IFT80: variants seen among roughly 807,000 people sequenced by gnomAD.
IFT80 encodes intraflagellar transport 80.
In IFT80, 79 loss-of-function variants were observed where a neutral mutation model predicts 107.9. That is an observed-to-expected ratio of 0.73 (90% CI 0.61 to 0.88). The LOEUF is 0.88. Among genes scored for constraint, IFT80 ranks in the 40% least tolerant of loss-of-function variants. The probability of loss-of-function intolerance (pLI) is 0.00; values close to 1 mark genes in which losing one functional copy is unlikely to be tolerated. For missense variants in IFT80, 797 were observed against 914.2 expected (o/e 0.87, Z 1.65); for synonymous variants, 299 against 300.9 (o/e 0.99, Z 0.07).
intron 8 of IFT80, among the ~76,000 whole-genome samples, chr3:160,324,777 C>T (rs1306629664): frequency 6.6e-6 from 1 of 152,080 alleles, no homozygotes; most frequent in African/African-American, 2.4e-5. Flanking sequence ...AAGTTCTGGT[C>T]AGGGCAATTA....
chr3:160,298,681 G>A (rs531862201), intron 12 of IFT80, among the ~76,000 whole-genome samples: 7 of 152,124 alleles, frequency 4.6e-5, no homozygotes, highest in African/African-American at 1.2e-4. Context: ...GAAATGTGCC[G>A]TTAGGCAATT....
Position 160,387,870 on chromosome 3 carries a change from G to C in IFT80, c.-46-3224C>G, listed in dbSNP as rs527600975. Reference sequence around the variant, plus strand: ...TCAATGGCCTGGAAATCCTACTGAAGTCTTTAGAATTGTTGGCATTAAGAT... The same window carrying C: ...TCAATGGCCTGGAAATCCTACTGAACTCTTTAGAATTGTTGGCATTAAGAT... On this transcript the variant is annotated intron_variant, in intron 1 of 19. Transcript: ENST00000326448. 5.3e-5 allele frequency among the ~76,000 whole-genome samples: 8 copies of C among 152,326 alleles called. No individual in the cohort carries two copies. The East Asian group carries it at 1.5e-3, about 29-fold the overall frequency.
chr3:160,265,409 T>A (rs1713235114), intron 19 of IFT80, among the ~76,000 whole-genome samples: 1 of 152,220 alleles, frequency 6.6e-6, no homozygotes, highest in African/African-American at 2.4e-5. Flanking sequence ...GCTCATGAGT[T>A]TGATTTCTTT....
chr3:160,262,964 C>T lies in IFT80; in HGVS notation c.2224-4329G>A, dbSNP rs114760320. On this transcript the variant is annotated intron_variant, in intron 19 of 19. Transcript: ENST00000326448. ...AAATTTAGTTTTCTAGCCCTTATTTCTCCCTTGTCAATGTCCTTTTGTGTT... is the reference window on the plus strand; with the variant it reads ...AAATTTAGTTTTCTAGCCCTTATTTTTCCCTTGTCAATGTCCTTTTGTGTT... 4.0e-3 allele frequency among the ~76,000 whole-genome samples: 602 copies of T among 152,244 alleles called. 4 individuals are homozygous for T. The highest frequency in any genetic ancestry group is 0.013 in the African/African-American group (530 of 41,538).
Position 160,319,804 on chromosome 3 carries a change from A to C in IFT80, c.913T>G (p.Trp305Gly), listed in dbSNP as rs1171603940. The C allele has an allele frequency of 6.2e-7, 1 of 1,612,816 alleles. No homozygotes were observed. Among genetic ancestry groups the C allele is most frequent in the East Asian group, 2.2e-5 (1 of 44,856 alleles). Reference protein sequence around the residue: ...FAHVVEQHWEWKNFQVTLTKR... With the variant: ...FAHVVEQHWEGKNFQVTLTKR... ...GTTAATGTTACTTGAAAATTTTTCC[A>C]CTCCCAATGTTGTTCCACCACATGT... Residue 305 changes from tryptophan to glycine, a missense_variant, in exon 9 of 20, where the codon TGG (tryptophan) becomes GGG (glycine). Trp to Gly is a radical substitution (Grantham distance 184). Transcript: ENST00000326448.
chr3:160,375,736 G>T, intron 5 of IFT80, 76 bp downstream of exon 5: 1 of 973,252 alleles, frequency 1.0e-6, no homozygotes, highest in Non-Finnish European at 1.6e-6. Flanking sequence ...GTATTAGATT[G>T]TTTCTAAAGG....
rs766798264 is a variant in IFT80, at chr3:160,282,582, T to C, written c.1412A>G (p.Lys471Arg). The change falls in exon 14 of 20, where the codon AAA becomes AGA. Residue 471 changes from lysine to arginine, a missense_variant. Physicochemically the swap from Lys to Arg is conservative, Grantham distance 26 (BLOSUM62 2). Transcript: ENST00000326448. ...AATTTTTCTATCATTGGTAAGTCCT[T>C]TTTGATCCAGAGCAATTTCCAAGAT... ...NEILEIALDQ[K>R]GLTNDRKIAF... The C allele has an allele frequency of 4.4e-6, 7 of 1,591,310 alleles. No individual in the cohort carries two copies. The Admixed American group carries it at 1.2e-4, about 27-fold the overall frequency.
chr3:160,267,120 C>T (rs1392559130), intron 19 of IFT80, among the ~76,000 whole-genome samples: 1 of 152,162 alleles, frequency 6.6e-6, no homozygotes, highest in African/African-American at 2.4e-5. Context: ...ATCCTGGATC[C>T]AGATGTCGAA....
At chr3:160,391,834 T>G (rs545467060) in intron 1 of IFT80, among the ~76,000 whole-genome samples, 1 of 152,306 alleles carries the variant, frequency 6.6e-6, no homozygotes, top group East Asian at 1.9e-4. Context: ...ACCATCAAAG[T>G]TTTAAGTGAT....
rs75386248 is a variant in IFT80 at position 160,282,430 on chromosome 3, A to G, written c.1516+48T>C. On this transcript the variant is annotated intron_variant, in intron 14 of 19. Transcript: ENST00000326448. ...ATTCAAATTATTTATTACAGCAAAT[A>G]TAAGAAAGTTGACAATTAAAACTTA... 1,395 of 1,242,248 alleles carry G rather than the reference A, an allele frequency of 1.1e-3. 26 individuals carry two copies. The East Asian group carries it at 0.033, about 29-fold the overall frequency. 77.0% of individuals were successfully genotyped at this position (1,242,248 alleles called of 1,614,324 possible). A position where few individuals can be genotyped will look rare whatever the true frequency, so the allele number is the denominator to read the frequency against.
rs544015888 is a variant in IFT80 at position 160,290,077 on chromosome 3, CAGAT to C, written c.1316-4213_1316-4210del. Among the ~76,000 whole-genome samples the C allele has an allele frequency of 1.2e-4, 18 of 152,172 alleles. No individual in the cohort carries two copies. The South Asian group carries it at 3.5e-3, about 30-fold the overall frequency. On this transcript the variant is annotated intron_variant, in intron 12 of 19. Coordinates refer to ENST00000326448, the MANE Select transcript of IFT80 (RefSeq NM_020800.3). ...CCTTTACCTGAATGTTTCATGGGAACAGATATTATGTCTGACCAGAACACCTCCC... is the reference window on the plus strand; with the variant it reads ...CCTTTACCTGAATGTTTCATGGGAACATTATGTCTGACCAGAACACCTCCC...
chr3:160,284,851 G>A (rs1714970401), intron 13 of IFT80, among the ~76,000 whole-genome samples: 1 of 152,078 alleles, frequency 6.6e-6, no homozygotes, highest in African/African-American at 2.4e-5. Context: ...AGGGGAGGAA[G>A]AGAACATATA....
At chr3:160,332,692 T>C (rs1359787424) in intron 8 of IFT80, among the ~76,000 whole-genome samples, 22 of 152,252 alleles carry the variant, frequency 1.4e-4, no homozygotes, top group Non-Finnish European at 7.3e-5. Context: ...AAGCAATTAA[T>C]GTCTGTTGCC....
chr3:160,279,201 A>G lies in IFT80; in HGVS notation c.1828T>C (p.Phe610Leu). The G allele has an allele frequency of 6.2e-7, 1 of 1,613,196 alleles. No homozygotes were observed. Among genetic ancestry groups the G allele is most frequent in the Non-Finnish European group, 8.5e-7 (1 of 1,179,248 alleles). ...TCTAAAATGTAAATTACCTTAACAA[A>G]GCGACAAAGTCTCACAGCATCTTCC... Reference protein sequence around the residue: ...KWEDAVRLCRFVKEQTMWACL... With the variant: ...KWEDAVRLCRLVKEQTMWACL... The change falls in exon 16 of 20, where the codon TTT (phenylalanine) becomes CTT (leucine). Residue 610 changes from phenylalanine to leucine, a missense_variant. Physicochemically the swap from Phe to Leu is conservative, Grantham distance 22. Coordinates refer to ENST00000326448, the MANE Select transcript of IFT80 (RefSeq NM_020800.3).
chr3:160,356,486 T>C (rs1721100371), intron 7 of IFT80, among the ~76,000 whole-genome samples: 1 of 152,284 alleles, frequency 6.6e-6, no homozygotes, highest in South Asian at 2.1e-4. Flanking sequence ...TTAAATATAA[T>C]AGTACATTTT....
chr3:160,329,812 T>TA (rs1253234778), intron 8 of IFT80, among the ~76,000 whole-genome samples: 2 of 147,668 alleles, frequency 1.4e-5, no homozygotes, highest in East Asian at 3.9e-4. Context: ...TTGTATTAAA[T>TA]AAAATTGTAT....
Position 160,277,417 on chromosome 3 carries a change from G to A in IFT80, c.1988C>T (p.Ala663Val). 6.2e-7 allele frequency: 1 copy of A among 1,612,324 alleles called. No homozygotes were observed. The highest frequency in any genetic ancestry group is 8.5e-7 in the Non-Finnish European group (1 of 1,178,556). The change falls in exon 18 of 20, where the codon GCC becomes GTC. Residue 663 changes from alanine (A) to valine (V), a missense_variant. Coordinates refer to ENST00000326448, the MANE Select transcript of IFT80 (RefSeq NM_020800.3). Reference sequence around the variant, plus strand: ...GTTCCCACTAAACAGTAGTATGTGGGCCATTTTTGATTCTTTAGATGGAAG... The same window carrying A: ...GTTCCCACTAAACAGTAGTATGTGGACCATTTTTGATTCTTTAGATGGAAG... ...KNLPSKESKMAHILLFSGNIQ... is the reference protein window; with the variant it reads ...KNLPSKESKMVHILLFSGNIQ...
intron 19 of IFT80, among the ~76,000 whole-genome samples, chr3:160,265,582 C>T (rs1438889121): frequency 1.3e-5 from 2 of 152,050 alleles, no homozygotes; most frequent in African/African-American, 2.4e-5. Context: ...CTATTGTAGA[C>T]CAAGTACAAT....
At chr3:160,278,300 C>A (rs1054658865) in intron 16 of IFT80, among the ~76,000 whole-genome samples, 2 of 152,156 alleles carry the variant, frequency 1.3e-5, no homozygotes, top group Non-Finnish European at 2.9e-5. Flanking sequence ...TTTTTGCCAG[C>A]CATCTGTACA....
Sources: gnomAD v4.1 joint callset for allele counts (sites outside exome capture counted in the v4.1 genomes callset) on GRCh38, gnomAD v4.1.1 for gene constraint, MANE v1.5 for transcripts, NCBI Gene and HGNC (gene_info 2026-07-23, HGNC 2026-07-21) for gene names.